Variants in MAST1 observed in about 807,000 individuals in gnomAD.
The protein encoded by MAST1 is microtubule associated serine/threonine kinase 1, also known as microtubule-associated serine/threonine-protein kinase 1.
MAST1 carries 40 observed loss-of-function variants against 124.6 expected under a neutral mutation model. That is an observed-to-expected ratio of 0.32 (90% CI 0.25 to 0.42). The LOEUF (loss-of-function observed/expected upper bound fraction) is 0.42. MAST1 is among the 10% of genes least tolerant of loss of function. The pLI is 1.00. For missense variants in MAST1, 1,558 were observed against 2,181.9 expected (o/e 0.71, Z 5.70); for synonymous variants, 938 against 939.4 (o/e 1.00, Z 0.03).
intron 24 of MAST1, among the ~76,000 whole-genome samples, chr19:12,871,846 G>C (rs1406584320): frequency 6.7e-6 from 1 of 149,434 alleles, no homozygotes; most frequent in South Asian, 2.1e-4. Context: ...AGCCTGGGAG[G>C]TCGAGGCTGC....
At chr19:12,848,193 A>G in intron 7 of MAST1, 136 bp downstream of exon 7, 4 of 762,272 alleles carry the variant, frequency 5.2e-6, no homozygotes, top group Non-Finnish European at 8.4e-6. Flanking sequence ...CTGAGGACTC[A>G]GGGGTGGAAG....
Position 12,865,192 on chromosome 19 carries a change from C to T in MAST1, c.1638+14C>T, listed in dbSNP as rs1280341353. On this transcript the variant is annotated intron_variant, in intron 14 of 25. Coordinates refer to ENST00000251472, the MANE Select transcript of MAST1 (RefSeq NM_014975.3). The surrounding 1 kb of genome is among the most constrained non-coding windows in gnomAD (Gnocchi z 7.1). ...CTGGACAAACAGGTGTGTGTGCGGG[C>T]ATGGGGGTCGCTGAGGGTGGAGTGA... 6.2e-6 allele frequency: 10 copies of T among 1,612,180 alleles called. No individual in the cohort carries two copies. The Admixed American group carries it at 1.0e-4, about 16-fold the overall frequency.
intron 12 of MAST1, among the ~76,000 whole-genome samples, chr19:12,861,103 C>T (rs755678747): frequency 3.3e-5 from 5 of 152,120 alleles, no homozygotes; most frequent in African/African-American, 7.2e-5. Flanking sequence ...CGCTCTTTCA[C>T]CCAGGCTGGA....
chr19:12,843,588 C>T lies in MAST1; in HGVS notation c.308C>T (p.Thr103Met), dbSNP rs745838080. Residue 103 changes from threonine to methionine, a missense_variant, in exon 4 of 26, where the codon ACG becomes ATG. Coordinates refer to ENST00000251472, the MANE Select transcript of MAST1 (RefSeq NM_014975.3). The surrounding 1 kb of genome is among the most constrained non-coding windows in gnomAD (Gnocchi z 4.9). Reference sequence around the variant, plus strand: ...CCTTCATCTGGCTATGGCACCAACACGCCCAGTTCCACCGTCTCGGTGAGT... The same window carrying T: ...CCTTCATCTGGCTATGGCACCAACATGCCCAGTTCCACCGTCTCGGTGAGT... ...SLPSSGYGTN[T>M]PSSTVSSSCS... 1 of 1,613,536 alleles carries T rather than the reference C, an allele frequency of 6.2e-7. No individual in the cohort carries two copies.
At chr19:12,846,749 G>A (rs1381686084) in intron 4 of MAST1, among the ~76,000 whole-genome samples, 1 of 151,926 alleles carries the variant, frequency 6.6e-6, no homozygotes, top group Admixed American at 6.6e-5. Flanking sequence ...GTGGTGACAG[G>A]CACCTGTAAT....
Position 12,873,792 on chromosome 19 carries a change from C to T in MAST1, c.3635C>T (p.Ser1212Phe). 6.3e-7 allele frequency: 1 copy of T among 1,597,482 alleles called. No individual in the cohort carries two copies. ...CTATCGCCGCTGGCACACACGCCGT[C>T]CCCCACGCAGGCGTCACCGCCGCCA... ...IPLSPLAHTP[S>F]PTQASPPPLP... The change falls in exon 26 of 26, where the codon TCC (serine) becomes TTC (phenylalanine). Residue 1212 changes from serine to phenylalanine, a missense_variant. By Grantham distance (155) the Ser-to-Phe change is radical (BLOSUM62 -2). Coordinates refer to ENST00000251472, the MANE Select transcript of MAST1 (RefSeq NM_014975.3).
chr19:12,858,014 A>G (rs960534532), intron 10 of MAST1, among the ~76,000 whole-genome samples: 1 of 63,810 alleles, frequency 1.6e-5, no homozygotes, highest in South Asian at 5.9e-4. Context: ...CTCAAAAAAA[A>G]AAAAAAAAAA....
rs1159153242 is a variant in MAST1, at chr19:12,865,733, C to T, written c.1821C>T (p.Pro607=). 6.2e-7 allele frequency: 1 copy of T among 1,612,344 alleles called. No homozygotes were observed. The highest frequency in any genetic ancestry group is 8.5e-7 in the Non-Finnish European group (1 of 1,179,274). Residue 607 remains proline (P), a synonymous_variant, in exon 16 of 26, where the codon CCC becomes CCT. Transcript: ENST00000251472. The surrounding 1 kb of genome is among the most constrained non-coding windows in gnomAD (Gnocchi z 7.1). The stretch of plus-strand genomic sequence containing the variant: ...GTTTTGCAGATGACATCCTGTGGCC[C>T]GAGGGGGATGAGGCCCTACCTACGG... ...GQVISDDILW[P]EGDEALPTEA...
Position 12,868,752 on chromosome 19 carries a change from G to A in MAST1, c.2676G>A (p.Met892Ile), listed in dbSNP as rs1273527418. Residue 892 changes from methionine to isoleucine, a missense_variant, in exon 21 of 26, where the codon ATG becomes ATA. Met to Ile is a conservative substitution (Grantham distance 10). This residue lies in a region of MAST1 where 287 missense variants were observed against 308.0 expected (regional missense o/e 0.93). Transcript: ENST00000251472. ...LVLRRARHQQMSGDVAVEKRP... is the reference protein window; with the variant it reads ...LVLRRARHQQISGDVAVEKRP... ...TGCGCCGGGCGCGGCACCAGCAGAT[G>A]TCAGGGGATGTGGCAGTAGAGAAGA... The A allele has an allele frequency of 6.2e-7, 1 of 1,612,904 alleles. No homozygotes were observed. Among genetic ancestry groups the A allele is most frequent in the Non-Finnish European group, 8.5e-7 (1 of 1,179,376 alleles).
chr19:12,846,793 G>A (rs566114562), intron 4 of MAST1, among the ~76,000 whole-genome samples: 6 of 143,154 alleles, frequency 4.2e-5, no homozygotes, highest in Admixed American at 7.3e-5. Context: ...CAGGAGAATC[G>A]CTTGAACGCG....
rs769414711 is a variant in MAST1 at position 12,847,400 on chromosome 19, G to T, written c.438G>T (p.Glu146Asp). Reference protein sequence around the residue: ...HFGSTESITDEDGGRRSPAVR... With the variant: ...HFGSTESITDDDGGRRSPAVR... ...GGAGCACCGAGAGCATCACAGACGA[G>T]GATGGTGGCCGTCGCTCCCCAGCCG... Residue 146 changes from glutamate (E) to aspartate (D), a missense_variant, in exon 5 of 26, where the codon GAG becomes GAT. This residue lies in a region of MAST1 where 165 missense variants were observed against 315.3 expected (regional missense o/e 0.52). Transcript: ENST00000251472. The surrounding 1 kb of genome is among the most constrained non-coding windows in gnomAD (Gnocchi z 5.5). The T allele has an allele frequency of 6.2e-7, 1 of 1,613,974 alleles. No individual in the cohort carries two copies. Among genetic ancestry groups the T allele is most frequent in the South Asian group, 1.1e-5 (1 of 91,064 alleles).
chr19:12,874,691 C>A lies in MAST1; in HGVS notation c.4534C>A (p.Leu1512Ile). The A allele has an allele frequency of 6.4e-7, 1 of 1,566,410 alleles. No individual in the cohort carries two copies. The highest frequency in any genetic ancestry group is 1.2e-5 in the South Asian group (1 of 84,918). ...KLSPEPQTPS[L>I]APAKCSAPSS... ...CTCCCCGGAGCCCCAGACACCCTCC[C>A]TAGCCCCAGCGAAGTGCAGTGCACC... The change falls in exon 26 of 26, where the codon CTA (leucine) becomes ATA (isoleucine). Residue 1512 changes from leucine (L) to isoleucine (I), a missense_variant. Around this residue, in one of 10 missense-constraint regions of MAST1, gnomAD observed 168 missense variants for 154.3 expected, o/e 1.09. Coordinates refer to ENST00000251472, the MANE Select transcript of MAST1 (RefSeq NM_014975.3). The surrounding 1 kb of genome is among the most constrained non-coding windows in gnomAD (Gnocchi z 6.6).
At chr19:12,863,900 A>G (rs1241403505) in intron 12 of MAST1, among the ~76,000 whole-genome samples, 1 of 151,790 alleles carries the variant, frequency 6.6e-6, no homozygotes, top group African/African-American at 2.4e-5. Context: ...TGGGCAACAC[A>G]ATGAAACTCG....
chr19:12,851,811 G>A lies in MAST1; in HGVS notation c.775-123G>A, dbSNP rs1969963002. 1.4e-5 allele frequency: 10 copies of A among 709,134 alleles called. No individual in the cohort carries two copies. In the South Asian group the frequency reaches 1.6e-4, roughly 12 times the overall value. 43.9% of individuals were successfully genotyped at this position (709,134 alleles called of 1,614,324 possible). On this transcript the variant is annotated intron_variant, in intron 7 of 25. Transcript: ENST00000251472. Reference sequence around the variant, plus strand: ...TCATTATTTTTACTGTGTGGCTTGGGCTTCAGTCTCCTCACCTGTAAGATG... The same window carrying A: ...TCATTATTTTTACTGTGTGGCTTGGACTTCAGTCTCCTCACCTGTAAGATG...
At position 12,839,957 on chromosome 19, in the gene MAST1, T is replaced by C. The variant is rs1398692238; in HGVS notation, c.84-489T>C. Among the ~76,000 whole-genome samples the C allele has an allele frequency of 2.6e-5, 4 of 152,282 alleles. No individual in the cohort carries two copies. In the East Asian group the frequency reaches 5.8e-4, roughly 22 times the overall value. On this transcript the variant is annotated intron_variant, in intron 1 of 25. Coordinates refer to ENST00000251472, the MANE Select transcript of MAST1 (RefSeq NM_014975.3). ...CAACCTGCCTGTGTTACAGCACACA[T>C]TGTTATGGACAAGTGGCATTTCACA...
In MAST1 at chr19:12,864,853, G is replaced by A. The variant is rs766931701; in HGVS notation, c.1411G>A (p.Val471Ile). Residue 471 changes from valine (V) to isoleucine (I), a missense_variant, in exon 13 of 26, where the codon GTA becomes ATA. Val to Ile is a conservative substitution (Grantham distance 29, BLOSUM62 3). Around this residue, in one of 10 missense-constraint regions of MAST1, gnomAD observed 145 missense variants for 350.0 expected, o/e 0.41. Coordinates refer to ENST00000251472, the MANE Select transcript of MAST1 (RefSeq NM_014975.3). ...TLLKNIGALP[V>I]EMARMYFAET... ...GCTGAAGAATATTGGAGCGCTGCCC[G>A]TAGAGATGGCCCGCATGTACTTTGC... The A allele has an allele frequency of 8.1e-6, 13 of 1,613,942 alleles. No homozygotes were observed. Among genetic ancestry groups the A allele is most frequent in the East Asian group, 2.2e-5 (1 of 44,906 alleles).
At chr19:12,860,675 G>A (rs1334439729) in intron 12 of MAST1, among the ~76,000 whole-genome samples, 2 of 151,014 alleles carry the variant, frequency 1.3e-5, no homozygotes, top group African/African-American at 2.4e-5. Context: ...TCGAACTCCT[G>A]ACCTCAGGTG....
rs561499355 is a variant in MAST1, at chr19:12,865,928, G to C, written c.1907-52G>C. On this transcript the variant is annotated intron_variant, in intron 16 of 25. Coordinates refer to ENST00000251472, the MANE Select transcript of MAST1 (RefSeq NM_014975.3). The surrounding 1 kb of genome is among the most constrained non-coding windows in gnomAD (Gnocchi z 7.1). ...CGGGGCGGAAGACATGGGGGGCGGG[G>C]CTGGGCTGCTGGGTTGGCCATCAGC... 1 of 1,612,024 alleles carries C rather than the reference G, an allele frequency of 6.2e-7. No homozygotes were observed.
In MAST1 at chr19:12,838,647, C is replaced by T; in HGVS notation, c.75C>T (p.Arg25=). 1 of 1,609,386 alleles carries T rather than the reference C, an allele frequency of 6.2e-7. No homozygotes were observed. Among genetic ancestry groups the T allele is most frequent in the Non-Finnish European group, 8.5e-7 (1 of 1,178,276 alleles). The change falls in exon 1 of 26, where the codon CGC becomes CGT. Residue 25 remains arginine (R), a synonymous_variant. Transcript: ENST00000251472. The surrounding 1 kb of genome is among the most constrained non-coding windows in gnomAD (Gnocchi z 4.3). ...TCCCCGGCGGCAGTATGTTCCGCCG[C>T]ACCAAGAGGTAGACCCCCGATCCCC... ...PSFPGGSMFR[R]TKSCRTSNRK...
Sources: gnomAD v4.1 joint callset for allele counts (sites outside exome capture counted in the v4.1 genomes callset) on GRCh38, gnomAD v4.1.1 for gene constraint, gnomAD v4.1.1 regional missense constraint, Gnocchi (gnomAD v3.1) non-coding constraint, MANE v1.5 for transcripts, NCBI Gene and HGNC (gene_info 2026-07-23, HGNC 2026-07-21) for gene names.